CSRNP3: variants seen among roughly 807,000 people sequenced by gnomAD.
The protein encoded by CSRNP3 is cysteine and serine rich nuclear protein 3, also known as cysteine/serine-rich nuclear protein 3.
CSRNP3 carries 12 observed loss-of-function variants against 48.0 expected under a neutral mutation model. That is an observed-to-expected ratio of 0.25 (90% CI 0.16 to 0.41). The LOEUF is 0.41. Ranked by LOEUF, CSRNP3 falls within the 10% of genes least tolerant of loss-of-function variation. The pLI is 1.00. For missense variants in CSRNP3, 580 were observed against 724.4 expected, an observed-to-expected ratio of 0.80 and a Z score of 2.29; for synonymous variants, 263 against 269.7, an observed-to-expected ratio of 0.98 and a Z score of 0.24.
chr2:165,672,762 A>G (rs1687351869), intron 5 of CSRNP3, among the ~76,000 whole-genome samples: 1 of 152,188 alleles, frequency 6.6e-6, no homozygotes, highest in African/African-American at 2.4e-5. Flanking sequence ...CCTAAAATGC[A>G]TTTGGAAATA....
intron 2 of CSRNP3, among the ~76,000 whole-genome samples, chr2:165,504,243 C>T (rs1454190693): frequency 6.6e-6 from 1 of 151,990 alleles, no homozygotes; most frequent in Non-Finnish European, 1.5e-5. Flanking sequence ...GACAGCACTA[C>T]CAATAACCCT....
chr2:165,502,840 T>G (rs1684375836), intron 2 of CSRNP3, among the ~76,000 whole-genome samples: 1 of 151,956 alleles, frequency 6.6e-6, no homozygotes, highest in Admixed American at 6.6e-5. Context: ...ATACATAGAT[T>G]AATATGATTA....
intron 2 of CSRNP3, among the ~76,000 whole-genome samples, chr2:165,502,716 C>T (rs1049832471): frequency 6.6e-6 from 1 of 151,834 alleles, no homozygotes; most frequent in African/African-American, 2.4e-5. Flanking sequence ...AAATCTCTCT[C>T]TCTCCCCCAC....
intron 5 of CSRNP3, among the ~76,000 whole-genome samples, chr2:165,659,167 G>T (rs79684620): frequency 6.6e-6 from 1 of 152,192 alleles, no homozygotes; most frequent in Non-Finnish European, 1.5e-5. Context: ...AGGGTAAGTG[G>T]TGTTGAGACG....
At chr2:165,643,642 C>T (rs1345767623) in intron 4 of CSRNP3, among the ~76,000 whole-genome samples, 1 of 152,130 alleles carries the variant, frequency 6.6e-6, no homozygotes, top group Non-Finnish European at 1.5e-5. Flanking sequence ...CATGCCAAAA[C>T]CCTGCCCTCA....
chr2:165,577,456 A>G (rs1457823540), intron 3 of CSRNP3, among the ~76,000 whole-genome samples: 1 of 151,866 alleles, frequency 6.6e-6, no homozygotes, highest in Non-Finnish European at 1.5e-5. Flanking sequence ...CAAGTAGCTA[A>G]AGTTTATGAC....
chr2:165,656,556 A>T (rs1687008595), intron 4 of CSRNP3, among the ~76,000 whole-genome samples: 1 of 152,210 alleles, frequency 6.6e-6, no homozygotes, highest in Non-Finnish European at 1.5e-5. Context: ...TAAAAAAATA[A>T]GAAGAAGAAA....
At chr2:165,562,475 G>A (rs1685246596) in intron 3 of CSRNP3, among the ~76,000 whole-genome samples, 1 of 152,082 alleles carries the variant, frequency 6.6e-6, no homozygotes, top group South Asian at 2.1e-4. Context: ...TGTTGTTGGG[G>A]GAGAAAAAGT....
intron 3 of CSRNP3, among the ~76,000 whole-genome samples, chr2:165,560,041 C>T (rs1268916449): frequency 6.6e-6 from 1 of 151,948 alleles, no homozygotes; most frequent in African/African-American, 2.4e-5. Context: ...CCTTGTGATC[C>T]ACCCACCTTG....
intron 3 of CSRNP3, among the ~76,000 whole-genome samples, chr2:165,521,269 A>G (rs538670037): frequency 2.0e-5 from 3 of 152,082 alleles, no homozygotes; most frequent in Non-Finnish European, 4.4e-5. Context: ...TCTGTTAGGG[A>G]TAGATTCTTC....
intron 4 of CSRNP3, among the ~76,000 whole-genome samples, chr2:165,628,583 G>T (rs774050336): frequency 1.3e-5 from 2 of 152,038 alleles, no homozygotes; most frequent in South Asian, 4.2e-4. Flanking sequence ...AATTAGCTGG[G>T]CGTGGTGGTG....
At chr2:165,644,998 T>C (rs902354926) in intron 4 of CSRNP3, among the ~76,000 whole-genome samples, 1 of 152,060 alleles carries the variant, frequency 6.6e-6, no homozygotes, top group Admixed American at 6.6e-5. Flanking sequence ...TGTGTCCTCA[T>C]ATGGTTGAAG....
In CSRNP3 at chr2:165,492,294, A is replaced by G. The variant is rs865800616; in HGVS notation, c.-282-2465A>G. 1.1e-4 allele frequency among the ~76,000 whole-genome samples: 17 copies of G among 152,248 alleles called. 1 individual carries two copies. The highest frequency in any genetic ancestry group is 6.8e-3 in the Middle Eastern group (2 of 294). ...GTAAGCTAGATCTTGGCACTATACT[A>G]CTTAAATTCTATAGTTTTAAGTACC... On this transcript the variant is annotated intron_variant, in intron 1 of 6. Transcript: ENST00000651982.
At position 165,678,931 on chromosome 2, in the gene CSRNP3, A is replaced by C. The variant is rs191792840; in HGVS notation, c.936A>C (p.Ser312=). ...CTGTCGCTCACTCCGTAGAATATTC[A>C]ATCGCAGACAGTTTTGAGATTGAAA... ...MGPVAHSVEY[S]IADSFEIETE... The change falls in exon 7 of 7, where the codon TCA becomes TCC. Residue 312 remains serine, a synonymous_variant. Coordinates refer to ENST00000651982, the MANE Select transcript of CSRNP3 (RefSeq NM_001172173.2). 6.2e-7 allele frequency: 1 copy of C among 1,614,012 alleles called. No homozygotes were observed. The highest frequency in any genetic ancestry group is 8.5e-7 in the Non-Finnish European group (1 of 1,180,000).
At chr2:165,562,052 A>G (rs1430111126) in intron 3 of CSRNP3, among the ~76,000 whole-genome samples, 1 of 152,156 alleles carries the variant, frequency 6.6e-6, no homozygotes. Flanking sequence ...TGACAGAAGT[A>G]GTATTATGTA....
intron 4 of CSRNP3, among the ~76,000 whole-genome samples, chr2:165,638,867 A>G (rs1008148053): frequency 6.6e-6 from 1 of 152,230 alleles, no homozygotes; most frequent in African/African-American, 2.4e-5. Context: ...TATTCATGAT[A>G]GTTATGTTCT....
intron 3 of CSRNP3, among the ~76,000 whole-genome samples, chr2:165,520,802 T>TTATATACATATATATATATATATATATA (rs1558923579): frequency 1.6e-4 from 9 of 57,372 alleles, no homozygotes; most frequent in African/African-American, 7.6e-4. Context: ...TATATATATA[T>TTATATACATATATATATATATATATATA]ATATATATAT....
intron 4 of CSRNP3, among the ~76,000 whole-genome samples, chr2:165,622,895 G>C (rs1038105218): frequency 1.3e-5 from 2 of 152,064 alleles, no homozygotes; most frequent in African/African-American, 2.4e-5. Context: ...CTCCATTACA[G>C]TCTATACTCA....
At chr2:165,520,769 A>ATTTT (rs1327851688) in intron 3 of CSRNP3, among the ~76,000 whole-genome samples, 22 of 49,296 alleles carry the variant, frequency 4.5e-4, no homozygotes, top group African/African-American at 3.0e-3. Flanking sequence ...ATAGAAATAT[A>ATTTT]TTATATATAT....
Sources: allele counts gnomAD v4.1 joint callset (sites outside exome capture counted in the v4.1 genomes callset), GRCh38; gene constraint gnomAD v4.1.1; transcripts MANE v1.5; gene names NCBI Gene and HGNC (gene_info 2026-07-23, HGNC 2026-07-21).